Variants in PTPRG observed in about 807,000 individuals in gnomAD.
PTPRG encodes receptor-type tyrosine-protein phosphatase gamma.
Under a neutral mutation model 165.3 loss-of-function variants are expected in PTPRG, and 102 were observed. That is an observed-to-expected ratio of 0.62 (90% CI 0.53 to 0.73). The LOEUF (loss-of-function observed/expected upper bound fraction) is 0.73. Ranked by LOEUF, PTPRG falls within the 30% of genes least tolerant of loss-of-function variation. The pLI is 0.00. For missense variants in PTPRG, 1,866 were observed against 1,861.4 expected, an observed-to-expected ratio of 1.00 and a Z score of -0.05; for synonymous variants, 675 against 669.5, an observed-to-expected ratio of 1.01 and a Z score of -0.13.
At chr3:61,854,965 T>C (rs1374299342) in intron 2 of PTPRG, among the ~76,000 whole-genome samples, 1 of 152,246 alleles carries the variant, frequency 6.6e-6, no homozygotes, top group African/African-American at 2.4e-5. Flanking sequence ...CATTAATTTT[T>C]CTAGTAGAGG....
intron 2 of PTPRG, among the ~76,000 whole-genome samples, chr3:61,798,351 G>A (rs879626869): frequency 9.9e-5 from 15 of 152,262 alleles, no homozygotes; most frequent in East Asian, 3.9e-4. Context: ...CCAAAATCCC[G>A]TATGTGACAG....
intron 2 of PTPRG, among the ~76,000 whole-genome samples, chr3:61,912,607 CT>C (rs1269217265): frequency 6.6e-6 from 1 of 152,156 alleles, no homozygotes; most frequent in Non-Finnish European, 1.5e-5. Flanking sequence ...AGTTGTATAG[CT>C]GTTTTTTGAT....
chr3:62,098,406 C>G (rs888047543), intron 5 of PTPRG, among the ~76,000 whole-genome samples: 1 of 152,084 alleles, frequency 6.6e-6, no homozygotes, highest in African/African-American at 2.4e-5. Flanking sequence ...AAATACTACA[C>G]CATTTTATAT....
chr3:61,747,999 G>C (rs1037033622), intron 1 of PTPRG, among the ~76,000 whole-genome samples: 1 of 152,184 alleles, frequency 6.6e-6, no homozygotes, highest in African/African-American at 2.4e-5. Context: ...TGGGAAGAGA[G>C]GGCTTTGAAC....
Position 62,292,431 on chromosome 3 carries a change from G to T in PTPRG, c.4066G>T (p.Val1356Phe). 2 of 1,612,520 alleles carry T rather than the reference G, an allele frequency of 1.2e-6. No homozygotes were observed. Among genetic ancestry groups the T allele is most frequent in the African/African-American group, 1.3e-5 (1 of 74,862 alleles). Residue 1356 changes from valine (V) to phenylalanine (F), a missense_variant, in exon 29 of 30, where the codon GTT becomes TTT. Around this residue, in one of 3 missense-constraint regions of PTPRG, gnomAD observed 1,452 missense variants for 1,463.0 expected, o/e 0.99. Transcript: ENST00000474889. Reference sequence around the variant, plus strand: ...TTTTTTCTCCCCCAGGTATGGAGCAGTTTCAGCAGGAATGTTATGTGCCCT... The same window carrying T: ...TTTTTTCTCCCCCAGGTATGGAGCATTTTCAGCAGGAATGTTATGTGCCCT... Reference protein sequence around the residue: ...PTIVHDEYGAVSAGMLCALTT... With the variant: ...PTIVHDEYGAFSAGMLCALTT...
chr3:61,927,184 A>T (rs550929184), intron 2 of PTPRG, among the ~76,000 whole-genome samples: 4 of 152,320 alleles, frequency 2.6e-5, no homozygotes, highest in African/African-American at 9.6e-5. Flanking sequence ...ACATTAGCTT[A>T]CTAAGCATAA....
In PTPRG at chr3:62,203,725, C is replaced by T. The variant is rs149011628; in HGVS notation, c.1930C>T (p.His644Tyr). ...GGGAGGGCATCAGACTATACCTGGG[C>T]ATGAGCAGGATCACACTGCCGTCCC... Reference protein sequence around the residue: ...AEGGHQTIPGHEQDHTAVPTD... With the variant: ...AEGGHQTIPGYEQDHTAVPTD... The change falls in exon 12 of 30, where the codon CAT (histidine) becomes TAT (tyrosine). Residue 644 changes from histidine (H) to tyrosine (Y), a missense_variant. His to Tyr is a moderately conservative substitution (Grantham distance 83). Transcript: ENST00000474889. The surrounding 1 kb of genome is among the most constrained non-coding windows in gnomAD (Gnocchi z 6.4). The T allele has an allele frequency of 5.0e-6, 8 of 1,592,028 alleles. No individual in the cohort carries two copies. Among genetic ancestry groups the T allele is most frequent in the Non-Finnish European group, 6.8e-6 (8 of 1,168,746 alleles).
At chr3:62,184,573 C>T (rs1705793979) in intron 8 of PTPRG, among the ~76,000 whole-genome samples, 1 of 152,188 alleles carries the variant, frequency 6.6e-6, no homozygotes, top group Non-Finnish European at 1.5e-5. Flanking sequence ...GGCTCTCTTC[C>T]ACCTGACTGG....
intron 1 of PTPRG, among the ~76,000 whole-genome samples, chr3:61,584,155 A>C (rs192492847): frequency 3.3e-5 from 5 of 152,202 alleles, no homozygotes; most frequent in African/African-American, 1.2e-4. Context: ...CTTAGCCTTA[A>C]CTGCTTCTCT....
chr3:61,814,336 A>G (rs2035691441), intron 2 of PTPRG, among the ~76,000 whole-genome samples: 1 of 152,230 alleles, frequency 6.6e-6, no homozygotes, highest in Non-Finnish European at 1.5e-5. Context: ...TAAAGAGCTT[A>G]TAGTTCATAA....
chr3:62,250,848 A>T (rs189102080), intron 15 of PTPRG, among the ~76,000 whole-genome samples: 1 of 152,322 alleles, frequency 6.6e-6, no homozygotes, highest in East Asian at 1.9e-4. Flanking sequence ...TCAAAAGTAC[A>T]TAAGAAGGTT....
At chr3:61,799,992 C>A (rs1467440672) in intron 2 of PTPRG, among the ~76,000 whole-genome samples, 1 of 152,186 alleles carries the variant, frequency 6.6e-6, no homozygotes, top group East Asian at 1.9e-4. Flanking sequence ...AACTTCCTAG[C>A]TGTGTACCTG....
chr3:61,632,511 C>CTA (rs1401026176), intron 1 of PTPRG, among the ~76,000 whole-genome samples: 1 of 152,184 alleles, frequency 6.6e-6, no homozygotes, highest in African/African-American at 2.4e-5. Context: ...GATAATTTTG[C>CTA]TATATGTTCA....
Position 62,254,695 on chromosome 3 carries a change from T to C in PTPRG, c.2468-429T>C, listed in dbSNP as rs544924454. Among the ~76,000 whole-genome samples the C allele has an allele frequency of 6.6e-5, 10 of 151,974 alleles. No homozygotes were observed. The East Asian group carries it at 1.9e-3, about 29-fold the overall frequency. ...AGATTGGAAATAGAACTTAATTGCT[T>C]AAAGTTCAAGCTGGACTCCATTGAA... On this transcript the variant is annotated intron_variant, in intron 15 of 29. Transcript: ENST00000474889. This position sits in a 1 kb window ranked among gnomAD's most constrained non-coding sequence, Gnocchi z 4.6.
intron 10 of PTPRG, among the ~76,000 whole-genome samples, chr3:62,196,648 G>A (rs1476810834): frequency 6.6e-6 from 1 of 152,076 alleles, no homozygotes; most frequent in African/African-American, 2.4e-5. Context: ...TAGGGACCAG[G>A]GTGCTGGACT....
chr3:61,701,887 TA>T (rs1295356128), intron 1 of PTPRG, among the ~76,000 whole-genome samples: 1 of 151,218 alleles, frequency 6.6e-6, no homozygotes, highest in Non-Finnish European at 1.5e-5. Context: ...AAGCCCTGTC[TA>T]AAAAAGAGAG....
At chr3:61,838,603 G>T (rs2036535656) in intron 2 of PTPRG, among the ~76,000 whole-genome samples, 1 of 152,172 alleles carries the variant, frequency 6.6e-6, no homozygotes, top group Non-Finnish European at 1.5e-5. Flanking sequence ...ATAAGTGATG[G>T]TATAAATCTG....
At chr3:62,197,999 C>CT (rs1336963808) in intron 10 of PTPRG, among the ~76,000 whole-genome samples, 1 of 152,062 alleles carries the variant, frequency 6.6e-6, no homozygotes, top group Admixed American at 6.6e-5. Context: ...AAGATATCTC[C>CT]TTTTTCAGAA....
chr3:61,972,094 GA>G (rs1366693899), intron 2 of PTPRG, among the ~76,000 whole-genome samples: 1 of 152,230 alleles, frequency 6.6e-6, no homozygotes, highest in Non-Finnish European at 1.5e-5. Flanking sequence ...AAAAGAGGAA[GA>G]AAGCACAATG....
Sources: allele counts gnomAD v4.1 joint callset (sites outside exome capture counted in the v4.1 genomes callset), GRCh38; gene constraint gnomAD v4.1.1; regional missense constraint gnomAD v4.1.1; non-coding constraint Gnocchi (gnomAD v3.1); transcripts MANE v1.5; gene names NCBI Gene and HGNC (gene_info 2026-07-23, HGNC 2026-07-21).